OR2L13: variants seen among roughly 807,000 people sequenced by gnomAD.
OR2L13 encodes olfactory receptor family 2 subfamily L member 13.
OR2L13 carries 14 observed loss-of-function variants against 15.3 expected under a neutral mutation model. The ratio of observed to expected loss-of-function variants is 0.91; its 90% CI spans 0.60 to 1.43. The LOEUF is 1.43. OR2L13 is among the 40% of genes most tolerant of loss of function. OR2L13 has a pLI of 0.00. For synonymous variants in OR2L13, 152 were observed against 142.9 expected, an observed-to-expected ratio of 1.06 and a Z score of -0.45; for missense variants, 367 against 387.9, an observed-to-expected ratio of 0.95 and a Z score of 0.45.
chr1:247,965,181 C>A, the OR2L13 span: 1 of 570,762 alleles, frequency 1.8e-6, no homozygotes, highest in Non-Finnish European at 2.9e-6. Flanking sequence ...ATTTGCATCC[C>A]AGTAACAGTA....
At chr1:248,079,836 A>G in the OR2L13 span, among the ~76,000 whole-genome samples, 1 of 152,220 alleles carries the variant, frequency 6.6e-6, no homozygotes, top group Non-Finnish European at 1.5e-5. Flanking sequence ...AAAGAAGACC[A>G]AAAGAAAAAC....
At chr1:248,069,770 G>A in the OR2L13 span, among the ~76,000 whole-genome samples, 13,630 of 151,972 alleles carry the variant, frequency 0.09, 814 homozygotes, top group African/African-American at 0.17. Context: ...AAATAAAAGG[G>A]CGGAGGAAGA....
chr1:248,033,753 T>C, the OR2L13 span, among the ~76,000 whole-genome samples: 1 of 152,068 alleles, frequency 6.6e-6, no homozygotes, highest in Non-Finnish European at 1.5e-5. Context: ...TCTCTTTTCT[T>C]CTATTGTTAT....
chr1:248,009,153 C>A, the OR2L13 span, among the ~76,000 whole-genome samples: 1 of 151,942 alleles, frequency 6.6e-6, no homozygotes. Flanking sequence ...CAAACAAATT[C>A]AAAAGCTAGC....
the OR2L13 span, among the ~76,000 whole-genome samples, chr1:248,069,016 A>T: frequency 6.6e-6 from 1 of 152,222 alleles, no homozygotes; most frequent in Non-Finnish European, 1.5e-5. Context: ...CCTGAAAGTG[A>T]CGGGGAGAAT....
chr1:247,995,493 G>T, the OR2L13 span, among the ~76,000 whole-genome samples: 7 of 152,240 alleles, frequency 4.6e-5, no homozygotes, highest in South Asian at 1.2e-3. Flanking sequence ...ATAATAATTA[G>T]AGTCAGCCTG....
At chr1:248,015,980 C>G in the OR2L13 span, among the ~76,000 whole-genome samples, 16 of 152,222 alleles carry the variant, frequency 1.1e-4, no homozygotes, top group Admixed American at 9.8e-4. Flanking sequence ...CCTTGGTTCC[C>G]AACTCTATCA....
At chr1:247,988,071 A>G in the OR2L13 span, among the ~76,000 whole-genome samples, 1 of 152,114 alleles carries the variant, frequency 6.6e-6, no homozygotes, top group Admixed American at 6.6e-5. Context: ...TTTCTAGGAA[A>G]ATATTTCTCA....
chr1:247,986,582 C>G, the OR2L13 span, among the ~76,000 whole-genome samples: 1 of 152,058 alleles, frequency 6.6e-6, no homozygotes, highest in African/African-American at 2.4e-5. Context: ...TTAGGATTGA[C>G]TTGGCAATGA....
At chr1:248,027,098 CA>C in the OR2L13 span, among the ~76,000 whole-genome samples, 1 of 152,192 alleles carries the variant, frequency 6.6e-6, no homozygotes, top group Non-Finnish European at 1.5e-5. Context: ...CAGCAAGGAA[CA>C]GCCCTGAGAA....
At chr1:248,095,652 G>T (rs1664720560), upstream of OR2L13, among the ~76,000 whole-genome samples, 1 of 45,780 alleles carries the variant, frequency 2.2e-5, no homozygotes, top group South Asian at 1.0e-3. Flanking sequence ...TGTCACCCAG[G>T]CTGGAGTGCA....
the OR2L13 span, chr1:247,975,033 T>A: frequency 3.1e-6 from 1 of 322,972 alleles, no homozygotes. Flanking sequence ...GGGTGTGGAA[T>A]TCAGAGTTTC....
At chr1:248,058,026 G>A in the OR2L13 span, among the ~76,000 whole-genome samples, 1 of 152,106 alleles carries the variant, frequency 6.6e-6, no homozygotes, top group Non-Finnish European at 1.5e-5. Context: ...AGAGAAAGTG[G>A]ACTTCCGTGT....
At chr1:248,069,380 C>T in the OR2L13 span, among the ~76,000 whole-genome samples, 10 of 152,184 alleles carry the variant, frequency 6.6e-5, 3 homozygotes, top group Admixed American at 5.9e-4. Flanking sequence ...AACTAAGCTT[C>T]ATAAGTGAAG....
chr1:248,036,076 A>T, the OR2L13 span, among the ~76,000 whole-genome samples: 2 of 152,094 alleles, frequency 1.3e-5, no homozygotes, highest in African/African-American at 4.8e-5. Context: ...TTACTTTGTG[A>T]TTTTACATGC....
the OR2L13 span, among the ~76,000 whole-genome samples, chr1:248,002,751 G>T: frequency 2.0e-5 from 3 of 152,098 alleles, no homozygotes; most frequent in African/African-American, 7.2e-5. Flanking sequence ...CCAGCTACTC[G>T]GGAGGCTGAG....
At chr1:247,980,874 C>T in the OR2L13 span, 4 of 152,084 alleles carry the variant, frequency 2.6e-5, no homozygotes, top group Non-Finnish European at 5.9e-5. Context: ...CATATGATGC[C>T]TGTACGACTC....
chr1:248,076,137 G>T, the OR2L13 span, among the ~76,000 whole-genome samples: 1 of 152,066 alleles, frequency 6.6e-6, no homozygotes, highest in Non-Finnish European at 1.5e-5. Flanking sequence ...TCTCAGATTT[G>T]TCAAAGATCA....
At chr1:247,983,496 T>C in the OR2L13 span, among the ~76,000 whole-genome samples, 2 of 152,310 alleles carry the variant, frequency 1.3e-5, no homozygotes, top group South Asian at 4.1e-4. Context: ...TTAAATGGGC[T>C]TAAAATACTT....
Sources: allele counts gnomAD v4.1 joint callset (sites outside exome capture counted in the v4.1 genomes callset), GRCh38; gene constraint gnomAD v4.1.1; transcripts MANE v1.5; gene names NCBI Gene and HGNC (gene_info 2026-07-23, HGNC 2026-07-21).